The following GPR155 variants were observed in gnomAD, a reference collection of about 807,000 sequenced individuals.
GPR155 encodes lysosomal cholesterol signaling protein.
Under a neutral mutation model 93.1 loss-of-function variants are expected in GPR155, and 65 were observed. That is an observed-to-expected ratio of 0.70 (90% CI 0.57 to 0.86). The LOEUF is 0.86. Ranked by LOEUF, GPR155 falls within the 40% of genes least tolerant of loss-of-function variation. The pLI, the probability that GPR155 is intolerant of heterozygous loss-of-function variation, is 0.00. For synonymous variants in GPR155, 319 were observed against 360.1 expected (o/e 0.89, Z 1.29); for missense variants, 838 against 1,034.8 (o/e 0.81, Z 2.61).
intron 15 of GPR155, among the ~76,000 whole-genome samples, chr2:174,438,396 G>A (rs1428272326): frequency 6.6e-6 from 1 of 152,222 alleles, no homozygotes; most frequent in Non-Finnish European, 1.5e-5. Flanking sequence ...TGGCAGCCCT[G>A]CAAATTGCAA....
chr2:174,437,163 A>G (rs542806771), intron 15 of GPR155, among the ~76,000 whole-genome samples: 2 of 152,346 alleles, frequency 1.3e-5, no homozygotes, highest in African/African-American at 4.8e-5. Flanking sequence ...ATACAGGGAA[A>G]AAAATCCAAT....
rs1392688735 is a variant in GPR155, at chr2:174,469,053, C to T, written c.1041G>A (p.Met347Ile). The change falls in exon 5 of 16, where the codon ATG becomes ATA. Residue 347 changes from methionine (M) to isoleucine (I), a missense_variant. Transcript: ENST00000392552. The stretch of plus-strand genomic sequence containing the variant: ...GAGCAGACACAAATGTGCTTATCAC[C>T]ATCCCTGAGGTTATCTGCAAAAATG... ...NMEVEIITSG[M>I]VISTFVSAPI... 6.2e-7 allele frequency: 1 copy of T among 1,613,798 alleles called. No individual in the cohort carries two copies. Among genetic ancestry groups the T allele is most frequent in the East Asian group, 2.2e-5 (1 of 44,878 alleles).
chr2:174,475,156 G>A, intron 2 of GPR155, among the ~76,000 whole-genome samples: 1 of 149,724 alleles, frequency 6.7e-6, no homozygotes, highest in Non-Finnish European at 1.5e-5. Flanking sequence ...TTAGCCGGGC[G>A]TAGTGGCGGG....
intron 10 of GPR155, among the ~76,000 whole-genome samples, chr2:174,455,115 T>A (rs1687475355): frequency 6.6e-6 from 1 of 152,146 alleles, no homozygotes; most frequent in South Asian, 2.1e-4. Context: ...ATATGCTAAT[T>A]ACCCTGATTT....
intron 10 of GPR155, among the ~76,000 whole-genome samples, chr2:174,457,284 C>G (rs1264262265): frequency 6.6e-6 from 1 of 152,102 alleles, no homozygotes; most frequent in Non-Finnish European, 1.5e-5. Context: ...TGCGCTCCAG[C>G]CTGAGAGACA....
At chr2:174,445,300 A>G (rs1687087508) in intron 12 of GPR155, 124 bp from the exon 13 acceptor site, 4 of 614,506 alleles carry the variant, frequency 6.5e-6, no homozygotes, top group Non-Finnish European at 1.1e-5. Flanking sequence ...ACGGAAAAAC[A>G]CTGAGAGAAT....
intron 15 of GPR155, among the ~76,000 whole-genome samples, chr2:174,438,892 C>A (rs1686870688): frequency 6.6e-6 from 1 of 152,210 alleles, no homozygotes; most frequent in Non-Finnish European, 1.5e-5. Context: ...ACTAACTTTT[C>A]TTCATAGTTT....
At position 174,476,056 on chromosome 2, in the gene GPR155, C is replaced by T. The variant is rs773029825; in HGVS notation, c.461-2692G>A. On this transcript the variant is annotated intron_variant, in intron 2 of 15. Transcript: ENST00000392552. ...AAGAACTCAGTGCAAATTTAAGCAACAGTTTTTATATTTGGCCATTCACCA... is the reference window on the plus strand; with the variant it reads ...AAGAACTCAGTGCAAATTTAAGCAATAGTTTTTATATTTGGCCATTCACCA... Among the ~76,000 whole-genome samples, 10 of 152,290 alleles carry T rather than the reference C, an allele frequency of 6.6e-5. No individual in the cohort carries two copies. The East Asian group carries it at 1.9e-3, about 29-fold the overall frequency.
chr2:174,448,552 ACGGAG>A, intron 11 of GPR155, among the ~76,000 whole-genome samples: 1 of 114,122 alleles, frequency 8.8e-6, no homozygotes, highest in Non-Finnish European at 1.7e-5. Context: ...TTTTTTTGAG[ACGGAG>A]TCTCGCTCTG....
At chr2:174,486,547 C>T (rs1383516131) in intron 1 of GPR155, among the ~76,000 whole-genome samples, 1 of 152,156 alleles carries the variant, frequency 6.6e-6, no homozygotes, top group Non-Finnish European at 1.5e-5. Context: ...ACTGAGGGTA[C>T]CCTCGGGATA....
intron 11 of GPR155, among the ~76,000 whole-genome samples, chr2:174,452,514 C>T (rs1471432850): frequency 3.9e-5 from 6 of 152,176 alleles, no homozygotes; most frequent in African/African-American, 1.4e-4. Flanking sequence ...GGGGGTTTCC[C>T]TTTTTAGTTT....
intron 11 of GPR155, among the ~76,000 whole-genome samples, chr2:174,452,570 A>T (rs561441092): frequency 6.6e-6 from 1 of 152,298 alleles, no homozygotes; most frequent in East Asian, 1.9e-4. Flanking sequence ...GCAATTCCAC[A>T]TAAGTATGTT....
chr2:174,473,173 G>C lies in GPR155; in HGVS notation c.652C>G (p.Pro218Ala), dbSNP rs780545871. The C allele has an allele frequency of 2.3e-5, 37 of 1,612,788 alleles. No homozygotes were observed. The South Asian group carries it at 4.1e-4, about 18-fold the overall frequency. The change falls in exon 3 of 16, where the codon CCA (proline) becomes GCA (alanine). Residue 218 changes from proline to alanine, a missense_variant. Physicochemically the swap from Pro to Ala is conservative, Grantham distance 27. This residue lies in a region of GPR155 where 663 missense variants were observed against 790.1 expected (regional missense o/e 0.84). Coordinates refer to ENST00000392552, the MANE Select transcript of GPR155 (RefSeq NM_152529.7). The part of the protein sequence containing the change: ...GLGLLRVLQN[P>A]IVFMVFIGIA... ...CCAATGAAGACCATAAATACTATTG[G>C]GTTCTGTAATACACGCAGGAGTCCG...
chr2:174,483,736 C>T (rs1688395078), intron 1 of GPR155, among the ~76,000 whole-genome samples: 1 of 152,022 alleles, frequency 6.6e-6, no homozygotes, highest in Non-Finnish European at 1.5e-5. Flanking sequence ...CAGGCATGCA[C>T]CACCATGCCT....
intron 11 of GPR155, 62 bp from the exon 12 acceptor site, chr2:174,446,809 T>G: frequency 7.0e-7 from 1 of 1,437,118 alleles, no homozygotes; most frequent in African/African-American, 1.4e-5. Flanking sequence ...CATTTTAAAT[T>G]TGTAATGACT....
chr2:174,475,799 C>A (rs931745982), intron 2 of GPR155, among the ~76,000 whole-genome samples: 2 of 152,124 alleles, frequency 1.3e-5, no homozygotes, highest in Non-Finnish European at 2.9e-5. Flanking sequence ...TGCCCACCAA[C>A]TTTTATAATA....
intron 2 of GPR155, among the ~76,000 whole-genome samples, chr2:174,476,580 G>A (rs925821918): frequency 1.3e-5 from 2 of 151,960 alleles, no homozygotes; most frequent in African/African-American, 4.8e-5. Flanking sequence ...TTACAGCCTG[G>A]GCAACAGAGT....
intron 15 of GPR155, 45 bp from the exon 16 acceptor site, chr2:174,436,461 A>G (rs1047939025): frequency 2.6e-6 from 4 of 1,564,614 alleles, no homozygotes; most frequent in Middle Eastern, 1.7e-4. Context: ...TAAATCTGGT[A>G]TCAGCACTGC....
intron 2 of GPR155, 64 bp downstream of exon 2, chr2:174,481,433 A>C: frequency 1.0e-6 from 1 of 997,322 alleles, no homozygotes. Flanking sequence ...ATCTGTTACT[A>C]ACAAATGCCT....
Sources: gnomAD v4.1 joint callset for allele counts (sites outside exome capture counted in the v4.1 genomes callset) on GRCh38, gnomAD v4.1.1 for gene constraint, gnomAD v4.1.1 regional missense constraint, MANE v1.5 for transcripts, NCBI Gene and HGNC (gene_info 2026-07-23, HGNC 2026-07-21) for gene names.